Variants in ROBO1 observed in about 807,000 individuals in gnomAD.
ROBO1 encodes the protein roundabout homolog 1.
ROBO1 carries 149 observed loss-of-function variants against 195.9 expected under a neutral mutation model. That is an observed-to-expected ratio of 0.76 (90% CI 0.67 to 0.87). The LOEUF (loss-of-function observed/expected upper bound fraction) is 0.87. Among genes scored for constraint, ROBO1 ranks in the 40% least tolerant of loss-of-function variants. The pLI is 0.00. For missense variants in ROBO1, 1,933 were observed against 2,068.3 expected (o/e 0.93, Z 1.27); for synonymous variants, 816 against 733.2 (o/e 1.11, Z -1.82).
chr3:79,253,504 C>T (rs1399946961), intron 2 of ROBO1, among the ~76,000 whole-genome samples: 3 of 152,238 alleles, frequency 2.0e-5, no homozygotes, highest in Non-Finnish European at 4.4e-5. Context: ...ACTTGCTAGA[C>T]TTCTGGCTGT....
intron 2 of ROBO1, among the ~76,000 whole-genome samples, chr3:79,257,460 G>A (rs2082855819): frequency 6.6e-6 from 1 of 152,024 alleles, no homozygotes; most frequent in South Asian, 2.1e-4. Context: ...TTTTAGCCAG[G>A]CCATTAATTA....
chr3:79,400,918 G>A (rs2037346801), intron 2 of ROBO1, among the ~76,000 whole-genome samples: 1 of 151,608 alleles, frequency 6.6e-6, no homozygotes, highest in South Asian at 2.1e-4. Context: ...TTTAACTTTA[G>A]AAATTCATTT....
chr3:79,503,690 T>G (rs1940239087), intron 2 of ROBO1, among the ~76,000 whole-genome samples: 1 of 152,218 alleles, frequency 6.6e-6, no homozygotes, highest in Admixed American at 6.5e-5. Context: ...AAAGTCTGTT[T>G]AGACTTCATA....
chr3:79,673,717 A>T (rs575790257), intron 1 of ROBO1, among the ~76,000 whole-genome samples: 1 of 152,126 alleles, frequency 6.6e-6, no homozygotes, highest in African/African-American at 2.4e-5. Flanking sequence ...TGGCTTTTTA[A>T]TTCAATCATT....
At chr3:79,280,244 C>A (rs1320204646) in intron 2 of ROBO1, among the ~76,000 whole-genome samples, 1 of 151,864 alleles carries the variant, frequency 6.6e-6, no homozygotes, top group Non-Finnish European at 1.5e-5. Context: ...TGAATGTTCC[C>A]AAATCAAAGA....
At chr3:79,696,781 G>GA (rs1947461918) in intron 1 of ROBO1, among the ~76,000 whole-genome samples, 1 of 151,328 alleles carries the variant, frequency 6.6e-6, no homozygotes, top group South Asian at 2.1e-4. Flanking sequence ...AAATGACAGT[G>GA]AAAAAAGTGG....
intron 5 of ROBO1, among the ~76,000 whole-genome samples, chr3:78,728,457 T>A (rs2082214687): frequency 2.0e-5 from 3 of 148,570 alleles, no homozygotes; most frequent in Non-Finnish European, 1.5e-5. Context: ...TTCTAGGTTA[T>A]AAAAAAAAAA....
In ROBO1 at chr3:79,633,181, G is replaced by GT. The variant is rs67578449; in HGVS notation, c.-50-43221dup. On this transcript the variant is annotated intron_variant, in intron 1 of 30. Coordinates refer to ENST00000464233, the MANE Select transcript of ROBO1 (RefSeq NM_002941.4). ...ATTTTTACATATGTATATTTGCTGG[G>GT]TTTTTTTTTTTTTTTGAAAGGGTCT... Among the ~76,000 whole-genome samples, 443 of 132,188 alleles carry GT rather than the reference G, an allele frequency of 3.4e-3. 4 individuals are homozygous for GT. The highest frequency in any genetic ancestry group is 0.01 in the African/African-American group (362 of 35,692). The allele number at this position is 132,188 out of a possible 152,430, so 86.7% of individuals were successfully genotyped here. A position where few individuals can be genotyped will look rare whatever the true frequency, so the allele number is the denominator to read the frequency against.
At chr3:79,677,975 C>T (rs1433706561) in intron 1 of ROBO1, among the ~76,000 whole-genome samples, 1 of 152,012 alleles carries the variant, frequency 6.6e-6, no homozygotes, top group African/African-American at 2.4e-5. Context: ...TAATTTGTTA[C>T]ATATCAAGGA....
intron 2 of ROBO1, among the ~76,000 whole-genome samples, chr3:79,249,605 T>C (rs1451222414): frequency 6.6e-6 from 1 of 152,180 alleles, no homozygotes; most frequent in African/African-American, 2.4e-5. Context: ...TAAACTCCTA[T>C]ATGGCATAAG....
chr3:79,085,705 T>G (rs1320806180), intron 3 of ROBO1, among the ~76,000 whole-genome samples: 1 of 152,066 alleles, frequency 6.6e-6, no homozygotes, highest in Non-Finnish European at 1.5e-5. Context: ...TCTACTTTTG[T>G]GTCTAGGAAG....
At chr3:78,791,856 GGCT>G (rs2084032736) in intron 4 of ROBO1, among the ~76,000 whole-genome samples, 2 of 152,182 alleles carry the variant, frequency 1.3e-5, no homozygotes, top group Admixed American at 1.3e-4. Context: ...GTTCTCTTGT[GGCT>G]GCTATTTTCC....
intron 2 of ROBO1, among the ~76,000 whole-genome samples, chr3:79,575,105 T>A (rs1188428606): frequency 7.4e-6 from 1 of 135,822 alleles, no homozygotes; most frequent in Admixed American, 8.0e-5. Flanking sequence ...AACAAATATA[T>A]ATATATAACA....
rs549016947 is a variant in ROBO1, at chr3:79,651,030, C to A, written c.-50-61069G>T. On this transcript the variant is annotated intron_variant, in intron 1 of 30. Coordinates refer to ENST00000464233, the MANE Select transcript of ROBO1 (RefSeq NM_002941.4). ...TGGGCTAATTTTTAGAATTTTAATT[C>A]AATTATTATTAGAAAATGTAGTCTA... 1.8e-4 allele frequency among the ~76,000 whole-genome samples: 28 copies of A among 151,934 alleles called. 1 individual carries two copies. The South Asian group carries it at 5.8e-3, about 32-fold the overall frequency.
Position 79,201,236 on chromosome 3 carries a change from C to A in ROBO1, c.89-75697G>T, listed in dbSNP as rs191576270. On this transcript the variant is annotated intron_variant, in intron 2 of 30. Transcript: ENST00000464233. Reference sequence around the variant, plus strand: ...TTTTTAATTCTACTGTTTAAAACCTCAGTGAACTACCATAGTTCTCATAAT... The same window carrying A: ...TTTTTAATTCTACTGTTTAAAACCTAAGTGAACTACCATAGTTCTCATAAT... Among the ~76,000 whole-genome samples the A allele has an allele frequency of 2.0e-5, 3 of 152,106 alleles. No homozygotes were observed. In the East Asian group the frequency reaches 5.8e-4, roughly 29 times the overall value.
chr3:78,653,210 C>G (rs1706788216), intron 18 of ROBO1, among the ~76,000 whole-genome samples: 1 of 148,216 alleles, frequency 6.7e-6, no homozygotes, highest in Non-Finnish European at 1.5e-5. Flanking sequence ...TTCCAGTTCC[C>G]TGCCTCCCTC....
At chr3:79,250,310 T>C (rs1009551984) in intron 2 of ROBO1, among the ~76,000 whole-genome samples, 15 of 152,324 alleles carry the variant, frequency 9.8e-5, no homozygotes, top group African/African-American at 3.6e-4. Context: ...ACTGCTTAGG[T>C]AAATAAATGG....
At chr3:78,618,065 T>C (rs1704236551) in intron 26 of ROBO1, 24 bp from the exon 27 acceptor site, 67 of 1,576,762 alleles carry the variant, frequency 4.2e-5, no homozygotes, top group Non-Finnish European at 5.5e-5. Context: ...AATAAATAGG[T>C]CTGGCTCAGC....
chr3:79,570,407 G>A (rs919506651), intron 2 of ROBO1, among the ~76,000 whole-genome samples: 3 of 152,048 alleles, frequency 2.0e-5, no homozygotes, highest in Admixed American at 6.6e-5. Context: ...ATTACTAGAA[G>A]CACTCTCACA....
Sources: allele counts gnomAD v4.1 joint callset (sites outside exome capture counted in the v4.1 genomes callset), GRCh38; gene constraint gnomAD v4.1.1; transcripts MANE v1.5; gene names NCBI Gene and HGNC (gene_info 2026-07-23, HGNC 2026-07-21).